Variants in UTRN observed in about 807,000 individuals in gnomAD.
UTRN encodes utrophin, also known as dystrophin-related protein 1.
UTRN carries 283 observed loss-of-function variants against 463.9 expected under a neutral mutation model. That is an observed-to-expected ratio of 0.61 (90% confidence interval 0.55 to 0.67). The LOEUF (loss-of-function observed/expected upper bound fraction) is 0.67, where lower values mean the gene tolerates loss of function less well. Among genes scored for constraint, UTRN ranks in the 30% least tolerant of loss-of-function variants. The pLI is 0.00. For synonymous variants in UTRN, 1,442 were observed against 1,431.5 expected (o/e 1.01, Z -0.17); for missense variants, 3,922 against 4,084.3 (o/e 0.96, Z 1.08).
intron 2 of UTRN, among the ~76,000 whole-genome samples, chr6:144,395,624 GA>G (rs1782337854): frequency 6.6e-6 from 1 of 152,134 alleles, no homozygotes; most frequent in Non-Finnish European, 1.5e-5. Flanking sequence ...TTAGAAGATG[GA>G]ATTAATGGTT....
chr6:144,387,205 C>T (rs554172783), intron 2 of UTRN, among the ~76,000 whole-genome samples: 24 of 152,216 alleles, frequency 1.6e-4, no homozygotes, highest in Admixed American at 4.6e-4. Context: ...TGCAGCGGCG[C>T]GATCTTGGCT....
chr6:144,504,199 C>A (rs370624231), intron 34 of UTRN, among the ~76,000 whole-genome samples: 49 of 152,284 alleles, frequency 3.2e-4, no homozygotes, highest in African/African-American at 1.1e-3. Context: ...GACAATTTGA[C>A]TTCTTCTCTT....
chr6:144,809,659 G>A (rs1778439175), intron 65 of UTRN, among the ~76,000 whole-genome samples: 1 of 152,108 alleles, frequency 6.6e-6, no homozygotes, highest in African/African-American at 2.4e-5. Context: ...ATGTGTGACT[G>A]AAGTGGGACA....
In UTRN at chr6:144,551,087, G is replaced by A; in HGVS notation, c.6928+5G>A. On this transcript the variant is annotated splice_donor_5th_base_variant and intron_variant, in intron 48 of 74. Transcript: ENST00000367545. ...GAACAGCAATTACAGAAAAATGTAA[G>A]TTTTTTAAAAAAAGTTATGTATTAT... The A allele has an allele frequency of 6.3e-7, 1 of 1,579,168 alleles. No individual in the cohort carries two copies. The highest frequency in any genetic ancestry group is 8.6e-7 in the Non-Finnish European group (1 of 1,165,448).
At chr6:144,604,139 G>T in intron 51 of UTRN, among the ~76,000 whole-genome samples, 1 of 152,164 alleles carries the variant, frequency 6.6e-6, no homozygotes, top group Non-Finnish European at 1.5e-5. Context: ...AGTAGAAACA[G>T]TAAGTCATAT....
intron 9 of UTRN, among the ~76,000 whole-genome samples, chr6:144,432,544 G>A (rs1157626015): frequency 1.3e-5 from 2 of 152,200 alleles, no homozygotes; most frequent in Admixed American, 6.5e-5. Flanking sequence ...GAAATGGACT[G>A]TGGATTGTGA....
chr6:144,757,108 T>C lies in UTRN; in HGVS notation c.8435-821T>C, dbSNP rs117017260. ...TCCAAGTATTATTTGAATTTTTATATTTGTTCATTTAGCAAAATTCTTTTA... is the reference window on the plus strand; with the variant it reads ...TCCAAGTATTATTTGAATTTTTATACTTGTTCATTTAGCAAAATTCTTTTA... On this transcript the variant is annotated intron_variant, in intron 57 of 74. Coordinates refer to ENST00000367545, the MANE Select transcript of UTRN (RefSeq NM_007124.3). 3.3e-3 allele frequency among the ~76,000 whole-genome samples: 504 copies of C among 152,196 alleles called. 18 individuals are homozygous for C. The East Asian group carries it at 0.078, about 24-fold the overall frequency.
chr6:144,445,685 A>G (rs572819120), intron 14 of UTRN, among the ~76,000 whole-genome samples: 94 of 152,132 alleles, frequency 6.2e-4, no homozygotes, highest in Non-Finnish European at 1.0e-3. Flanking sequence ...ATAAATATTT[A>G]TGTTTATTGT....
chr6:144,680,657 G>C (rs1371537834), intron 52 of UTRN, among the ~76,000 whole-genome samples: 3 of 152,092 alleles, frequency 2.0e-5, no homozygotes, highest in Non-Finnish European at 4.4e-5. Context: ...TTAGATTAAG[G>C]TAGGGCCCAA....
At chr6:144,597,215 G>A (rs1387956443) in intron 51 of UTRN, among the ~76,000 whole-genome samples, 2 of 145,466 alleles carry the variant, frequency 1.4e-5, no homozygotes, top group Middle Eastern at 3.6e-3. Context: ...TCCAGCCTGG[G>A]CAACAGAGTG....
intron 39 of UTRN, among the ~76,000 whole-genome samples, chr6:144,518,330 T>C (rs1172280132): frequency 6.6e-6 from 1 of 152,242 alleles, no homozygotes; most frequent in Non-Finnish European, 1.5e-5. Flanking sequence ...AAGCTTTAAA[T>C]GCAAGGTCTG....
At chr6:144,466,513 C>T (rs552078182) in intron 23 of UTRN, among the ~76,000 whole-genome samples, 37 of 152,328 alleles carry the variant, frequency 2.4e-4, no homozygotes, top group African/African-American at 8.7e-4. Context: ...GCAATAACCT[C>T]CATTCCTGTA....
At chr6:144,411,672 A>G (rs964709227) in intron 3 of UTRN, among the ~76,000 whole-genome samples, 2 of 152,158 alleles carry the variant, frequency 1.3e-5, no homozygotes, top group Non-Finnish European at 2.9e-5. Context: ...AGGTAGGTGC[A>G]CATTTACTGA....
At chr6:144,760,107 A>T (rs1423602361) in intron 58 of UTRN, among the ~76,000 whole-genome samples, 1 of 152,146 alleles carries the variant, frequency 6.6e-6, no homozygotes, top group Non-Finnish European at 1.5e-5. Flanking sequence ...CTTTTTTAAA[A>T]ATGAATTTCT....
intron 33 of UTRN, among the ~76,000 whole-genome samples, chr6:144,498,808 C>T (rs886383931): frequency 2.0e-5 from 3 of 152,008 alleles, no homozygotes; most frequent in Non-Finnish European, 1.5e-5. Context: ...GCACGCACCA[C>T]CATACTGGCT....
At chr6:144,521,881 T>G in intron 39 of UTRN, 99 bp from the exon 40 acceptor site, 1 of 794,580 alleles carries the variant, frequency 1.3e-6, no homozygotes, top group Non-Finnish European at 1.7e-6. Context: ...GTTCATGATA[T>G]TGCATTCCTT....
intron 2 of UTRN, among the ~76,000 whole-genome samples, chr6:144,370,005 A>G (rs534965457): frequency 6.6e-6 from 1 of 152,292 alleles, no homozygotes; most frequent in Non-Finnish European, 1.5e-5. Flanking sequence ...GTATTTCTTC[A>G]CAGCAGTATG....
chr6:144,750,078 G>C (rs1447398394), intron 55 of UTRN, among the ~76,000 whole-genome samples: 1 of 152,124 alleles, frequency 6.6e-6, no homozygotes, highest in Non-Finnish European at 1.5e-5. Context: ...AAACCTTGAA[G>C]GATTTGAATT....
chr6:144,689,257 A>C (rs1414670769), intron 52 of UTRN, among the ~76,000 whole-genome samples: 4 of 152,190 alleles, frequency 2.6e-5, no homozygotes, highest in African/African-American at 4.8e-5. Context: ...CTGTGGGAGC[A>C]GCCCCAGGTG....
Sources: allele counts gnomAD v4.1 joint callset (sites outside exome capture counted in the v4.1 genomes callset), GRCh38; gene constraint gnomAD v4.1.1; transcripts MANE v1.5; gene names NCBI Gene and HGNC (gene_info 2026-07-23, HGNC 2026-07-21).